The following CACNA2D1 variants were observed in gnomAD, a reference collection of about 807,000 sequenced individuals.
CACNA2D1 encodes voltage-dependent calcium channel subunit alpha-2/delta-1.
In CACNA2D1, 53 loss-of-function variants were observed where a neutral mutation model predicts 171.5. That is an observed-to-expected ratio of 0.31 (90% CI 0.25 to 0.39). The LOEUF is 0.39. Ranked by LOEUF, CACNA2D1 falls within the 10% of genes least tolerant of loss-of-function variation. CACNA2D1 has a pLI of 1.00. For missense variants in CACNA2D1, 903 were observed against 1,299.8 expected (o/e 0.69, Z 4.69); for synonymous variants, 442 against 443.1 (o/e 1.00, Z 0.03).
chr7:81,963,596 C>T (rs545674456), intron 34 of CACNA2D1, among the ~76,000 whole-genome samples: 1 of 152,008 alleles, frequency 6.6e-6, no homozygotes, highest in Admixed American at 6.6e-5. Flanking sequence ...CAACCTGATG[C>T]CCCTAAAACA....
chr7:81,979,638 CTGTTTTTGT>C (rs975904785), intron 24 of CACNA2D1, among the ~76,000 whole-genome samples: 3 of 152,254 alleles, frequency 2.0e-5, no homozygotes, highest in Admixed American at 1.3e-4. Context: ...CTGCGGGACC[CTGTTTTTGT>C]TGTTTTTGTT....
At chr7:82,299,823 A>C in intron 3 of CACNA2D1, among the ~76,000 whole-genome samples, 1 of 152,146 alleles carries the variant, frequency 6.6e-6, no homozygotes, top group Admixed American at 6.6e-5. Flanking sequence ...AAAATCAGAA[A>C]ATATTAGAGA....
At chr7:81,991,813 T>C (rs1797565582) in intron 20 of CACNA2D1, among the ~76,000 whole-genome samples, 1 of 151,976 alleles carries the variant, frequency 6.6e-6, no homozygotes, top group Admixed American at 6.6e-5. Flanking sequence ...TGTCTTCCAT[T>C]AGGTATTGCG....
intron 4 of CACNA2D1, among the ~76,000 whole-genome samples, chr7:82,150,905 T>C (rs916743514): frequency 6.6e-6 from 1 of 152,146 alleles, no homozygotes; most frequent in Admixed American, 6.5e-5. Flanking sequence ...ATTTGAATAA[T>C]ATATAATTGC....
At chr7:82,214,448 T>G (rs1800897894) in intron 3 of CACNA2D1, among the ~76,000 whole-genome samples, 1 of 151,984 alleles carries the variant, frequency 6.6e-6, no homozygotes, top group African/African-American at 2.4e-5. Context: ...AGGTGGCTTT[T>G]TTTTTTTTTC....
intron 4 of CACNA2D1, among the ~76,000 whole-genome samples, chr7:82,143,812 C>T (rs1387326736): frequency 6.6e-6 from 1 of 152,158 alleles, no homozygotes; most frequent in Non-Finnish European, 1.5e-5. Flanking sequence ...ATCCCAACAT[C>T]CAAACTGCCC....
chr7:82,086,897 G>T (rs77168145), intron 6 of CACNA2D1, among the ~76,000 whole-genome samples: 1 of 152,034 alleles, frequency 6.6e-6, no homozygotes, highest in Non-Finnish European at 1.5e-5. Context: ...TATAAACTGA[G>T]GGAAAAAGTC....
chr7:82,110,641 G>A (rs921231014), intron 6 of CACNA2D1, among the ~76,000 whole-genome samples: 1 of 152,080 alleles, frequency 6.6e-6, no homozygotes. Flanking sequence ...GGCCACAATG[G>A]TCTCCCTGCT....
intron 19 of CACNA2D1, among the ~76,000 whole-genome samples, chr7:81,996,031 T>A (rs1798008723): frequency 6.6e-6 from 1 of 152,166 alleles, no homozygotes; most frequent in Non-Finnish European, 1.5e-5. Context: ...TATTTGGGTC[T>A]TAAAGGAAGG....
At chr7:82,116,453 G>T (rs1789052663) in intron 6 of CACNA2D1, among the ~76,000 whole-genome samples, 2 of 152,120 alleles carry the variant, frequency 1.3e-5, no homozygotes, top group Admixed American at 1.3e-4. Context: ...AATATTTCCA[G>T]TCACAGCTTT....
intron 4 of CACNA2D1, among the ~76,000 whole-genome samples, chr7:82,165,822 G>C (rs566135137): frequency 6.6e-6 from 1 of 152,124 alleles, no homozygotes; most frequent in Non-Finnish European, 1.5e-5. Flanking sequence ...TTTCAAGAGT[G>C]TTTCAACCAA....
chr7:82,213,138 T>G (rs1231109374), intron 3 of CACNA2D1, among the ~76,000 whole-genome samples: 1 of 152,088 alleles, frequency 6.6e-6, no homozygotes. Context: ...TGATCTCAGG[T>G]GATCCACCCA....
At chr7:82,056,344 C>G (rs1025553673) in intron 10 of CACNA2D1, among the ~76,000 whole-genome samples, 7 of 152,062 alleles carry the variant, frequency 4.6e-5, no homozygotes, top group Admixed American at 4.6e-4. Flanking sequence ...TTTGGAGAAG[C>G]AACATGAGGA....
rs149165167 is a variant in CACNA2D1 at position 82,425,318 on chromosome 7, G to T, written c.95+18047C>A. On this transcript the variant is annotated intron_variant, in intron 1 of 38. Transcript: ENST00000356860. ...CACGATTTTGAAAGAGGAGCAGGAAGTAGCCCCATACGGGAATGCAGTCCA... is the reference window on the plus strand; with the variant it reads ...CACGATTTTGAAAGAGGAGCAGGAATTAGCCCCATACGGGAATGCAGTCCA... 3.8e-3 allele frequency among the ~76,000 whole-genome samples: 577 copies of T among 152,234 alleles called. 2 individuals are homozygous for T. Among genetic ancestry groups the T allele is most frequent in the Non-Finnish European group, 5.7e-3 (390 of 68,018 alleles).
intron 3 of CACNA2D1, among the ~76,000 whole-genome samples, chr7:82,296,759 G>C (rs559612087): frequency 6.6e-6 from 1 of 152,102 alleles, no homozygotes; most frequent in South Asian, 2.1e-4. Flanking sequence ...TGCATATGTA[G>C]GTGAATATGA....
rs889520047 is a variant in CACNA2D1, at chr7:81,967,530, A to G, written c.2463+66T>C. On this transcript the variant is annotated intron_variant, in intron 30 of 38. Coordinates refer to ENST00000356860, the MANE Select transcript of CACNA2D1 (RefSeq NM_000722.4). ...GTATTTGCCACTGTATAAGGACCTT[A>G]TATTTTTTTCTATTGAATTTTGAAA... The G allele has an allele frequency of 1.1e-5, 9 of 852,372 alleles. No homozygotes were observed. The African/African-American group carries it at 1.4e-4, about 13-fold the overall frequency. The allele number at this position is 852,372 out of a possible 1,614,324, so 52.8% of individuals were successfully genotyped here. A position where few individuals can be genotyped will look rare whatever the true frequency, so the allele number is the denominator to read the frequency against.
At chr7:82,438,031 G>A (rs1237940172) in intron 1 of CACNA2D1, among the ~76,000 whole-genome samples, 1 of 152,076 alleles carries the variant, frequency 6.6e-6, no homozygotes, top group Non-Finnish European at 1.5e-5. Flanking sequence ...TTGTTTAAAA[G>A]ACAGCAAAAC....
chr7:82,409,600 C>T (rs1372811172), intron 1 of CACNA2D1, among the ~76,000 whole-genome samples: 1 of 152,090 alleles, frequency 6.6e-6, no homozygotes, highest in Non-Finnish European at 1.5e-5. Flanking sequence ...AGGGCCAAGG[C>T]GCTGGTAACT....
intron 3 of CACNA2D1, among the ~76,000 whole-genome samples, chr7:82,276,921 G>T (rs980223233): frequency 1.3e-5 from 2 of 151,722 alleles, no homozygotes; most frequent in Non-Finnish European, 1.5e-5. Context: ...GCTAATTTTT[G>T]TATTTTTAGT....
Sources: gnomAD v4.1 joint callset for allele counts (sites outside exome capture counted in the v4.1 genomes callset) on GRCh38, gnomAD v4.1.1 for gene constraint, MANE v1.5 for transcripts, NCBI Gene and HGNC (gene_info 2026-07-23, HGNC 2026-07-21) for gene names.